Variants in TEX36 observed in about 807,000 individuals in gnomAD.
TEX36 encodes testis expressed 36.
A neutral mutation model predicts 13.6 loss-of-function variants in TEX36; 12 were observed. That is an observed-to-expected ratio of 0.88 (90% CI 0.56 to 1.43). The LOEUF (loss-of-function observed/expected upper bound fraction) is 1.43, where lower values mean the gene tolerates loss of function less well. TEX36 is among the 40% of genes most tolerant of loss of function. The pLI, the probability that TEX36 is intolerant of heterozygous loss-of-function variation, is 0.00. For synonymous variants in TEX36, 93 were observed against 83.0 expected (o/e 1.12, Z -0.65); for missense variants, 224 against 228.3 (o/e 0.98, Z 0.12).
intron 3 of TEX36, among the ~76,000 whole-genome samples, chr10:125,638,057 T>C (rs954885748): frequency 6.6e-6 from 1 of 151,930 alleles, no homozygotes; most frequent in African/African-American, 2.4e-5. Context: ...AAGACCTCTC[T>C]CCACCTCCCT....
chr10:125,640,360 C>T (rs760789128), intron 3 of TEX36: 25 of 245,192 alleles, frequency 1.0e-4, no homozygotes, highest in Admixed American at 2.0e-4. Flanking sequence ...TTACTCTCTG[C>T]GGAAATCACA....
intron 3 of TEX36, among the ~76,000 whole-genome samples, chr10:125,643,428 C>T (rs140448743): frequency 0.02 from 3,054 of 152,046 alleles, 100 homozygotes; most frequent in African/African-American, 0.068. Flanking sequence ...GCGAACATGG[C>T]GAAACCCTAT....
At chr10:125,583,996 G>C (rs984586716) in intron 3 of TEX36, among the ~76,000 whole-genome samples, 3 of 152,200 alleles carry the variant, frequency 2.0e-5, no homozygotes, top group Non-Finnish European at 2.9e-5. Context: ...TGTGGAGGGA[G>C]TGACACTGTG....
chr10:125,597,891 AC>A (rs1253691648), intron 3 of TEX36, among the ~76,000 whole-genome samples: 1 of 152,158 alleles, frequency 6.6e-6, no homozygotes, highest in African/African-American at 2.4e-5. Context: ...GGGATCCCAA[AC>A]ACTTTGTGAC....
At chr10:125,603,189 A>G (rs914272285) in intron 3 of TEX36, among the ~76,000 whole-genome samples, 2 of 152,316 alleles carry the variant, frequency 1.3e-5, no homozygotes, top group Admixed American at 1.3e-4. Flanking sequence ...CTACTTAAAT[A>G]AAAGCACCAC....
chr10:125,670,402 A>C (rs531340754), intron 1 of TEX36, among the ~76,000 whole-genome samples: 2 of 152,186 alleles, frequency 1.3e-5, no homozygotes, highest in African/African-American at 4.8e-5. Context: ...TCTTTTGAGA[A>C]GTATCTGTTC....
At chr10:125,615,805 G>A (rs1049647824) in intron 3 of TEX36, among the ~76,000 whole-genome samples, 3 of 152,252 alleles carry the variant, frequency 2.0e-5, no homozygotes, top group Admixed American at 2.0e-4. Flanking sequence ...CATAAAATGA[G>A]TTAGGGAGGA....
chr10:125,578,818 TGCTCACAGCCCTCAATG>T (rs1845854517), intron 3 of TEX36, among the ~76,000 whole-genome samples: 1 of 152,140 alleles, frequency 6.6e-6, no homozygotes, highest in South Asian at 2.1e-4. Flanking sequence ...GCCAATCCCC[TGCTCACAGCCCTCAATG>T]GCTTCTTGTT....
chr10:125,605,483 A>G (rs1846204937), intron 3 of TEX36, among the ~76,000 whole-genome samples: 1 of 151,104 alleles, frequency 6.6e-6, no homozygotes. Context: ...TAATCTCCAT[A>G]CACAGCATAG....
At chr10:125,608,117 G>A (rs1166530079) in intron 3 of TEX36, among the ~76,000 whole-genome samples, 2 of 152,182 alleles carry the variant, frequency 1.3e-5, no homozygotes, top group Non-Finnish European at 1.5e-5. Context: ...CACAGGAAAG[G>A]ATATTCCAGA....
chr10:125,634,019 CA>C (rs367563477), intron 3 of TEX36, among the ~76,000 whole-genome samples: 9 of 151,182 alleles, frequency 6.0e-5, no homozygotes, highest in South Asian at 2.1e-4. Flanking sequence ...TGGATTAAAA[CA>C]AAAAAAAACT....
At chr10:125,651,965 A>G (rs780842600), downstream of TEX36, among the ~76,000 whole-genome samples, 1 of 152,230 alleles carries the variant, frequency 6.6e-6, no homozygotes, top group East Asian at 1.9e-4. Context: ...AAGGAGAACT[A>G]CAAACCACTG....
chr10:125,630,787 A>C (rs1846543701), intron 3 of TEX36, among the ~76,000 whole-genome samples: 1 of 151,990 alleles, frequency 6.6e-6, no homozygotes, highest in African/African-American at 2.4e-5. Flanking sequence ...TCCCACTTCC[A>C]CTGGAATGTC....
In TEX36 at chr10:125,673,027, C is replaced by T. The variant is rs369067343; in HGVS notation, c.51+9912G>A. On this transcript the variant is annotated intron_variant, in intron 1 of 3. Transcript: ENST00000368821. ...TTTTGAGGCTATGTGTGTCTTTGCA[C>T]GTGAGATGGGTCTCTTGAATACAGC... Among the ~76,000 whole-genome samples the T allele has an allele frequency of 4.6e-5, 7 of 152,140 alleles. No homozygotes were observed. In the East Asian group the frequency reaches 5.8e-4, roughly 13 times the overall value.
At chr10:125,641,599 C>T (rs1047504794) in intron 3 of TEX36, among the ~76,000 whole-genome samples, 3 of 152,166 alleles carry the variant, frequency 2.0e-5, no homozygotes, top group Admixed American at 2.0e-4. Context: ...TGGCACAAGT[C>T]CAACTCTAAT....
At chr10:125,643,463 G>A (rs373248483) in intron 3 of TEX36, among the ~76,000 whole-genome samples, 1 of 152,150 alleles carries the variant, frequency 6.6e-6, no homozygotes, top group Non-Finnish European at 1.5e-5. Context: ...CAAAAATTAG[G>A]CCGGGCACGA....
At chr10:125,667,814 G>A in intron 1 of TEX36, 1 of 1,221,000 alleles carries the variant, frequency 8.2e-7, no homozygotes, top group Non-Finnish European at 1.2e-6. Context: ...GGCGTTAAGG[G>A]ACTGCAGCCG....
At chr10:125,646,640 T>C (rs1846773284) in intron 3 of TEX36, among the ~76,000 whole-genome samples, 1 of 152,120 alleles carries the variant, frequency 6.6e-6, no homozygotes. Context: ...AGCAAAGGCA[T>C]GTAAACATTC....
chr10:125,602,291 T>A (rs1338213177), intron 3 of TEX36, among the ~76,000 whole-genome samples: 1 of 152,184 alleles, frequency 6.6e-6, no homozygotes, highest in Admixed American at 6.5e-5. Context: ...ATTTTCACTA[T>A]GAAATTTGAA....
Sources: gnomAD v4.1 joint callset for allele counts (sites outside exome capture counted in the v4.1 genomes callset) on GRCh38, gnomAD v4.1.1 for gene constraint, MANE v1.5 for transcripts, NCBI Gene and HGNC (gene_info 2026-07-23, HGNC 2026-07-21) for gene names.